Variants in FSIP1 observed in about 807,000 individuals in gnomAD.
The protein encoded by FSIP1 is fibrous sheath-interacting protein 1.
A neutral mutation model predicts 60.9 loss-of-function variants in FSIP1; 65 were observed. That is an observed-to-expected ratio of 1.07 (90% CI 0.87 to 1.31). The LOEUF is 1.31. Among genes scored for constraint, FSIP1 ranks in the 40% most tolerant of loss-of-function variants. FSIP1 has a pLI of 0.00. For synonymous variants in FSIP1, 209 were observed against 221.2 expected, an observed-to-expected ratio of 0.94 and a Z score of 0.49; for missense variants, 675 against 665.5, an observed-to-expected ratio of 1.01 and a Z score of -0.16.
In FSIP1 at chr15:39,667,625, CATT is replaced by C. The variant is rs376756794; in HGVS notation, c.1188+45816_1188+45818del. 3.3e-4 allele frequency among the ~76,000 whole-genome samples: 51 copies of C among 152,294 alleles called. No individual in the cohort carries two copies. The East Asian group carries it at 8.1e-3, about 24-fold the overall frequency. On this transcript the variant is annotated intron_variant, in intron 10 of 11. Coordinates refer to ENST00000350221, the MANE Select transcript of FSIP1 (RefSeq NM_152597.5). ...AAACAGACAATCACACAAAGGAACA[CATT>C]ATTACCTCCCATGAGCAGTTCTAGG... is the stretch of plus-strand genomic sequence containing the variant.
At chr15:39,673,597 T>G (rs1039032431) in intron 10 of FSIP1, among the ~76,000 whole-genome samples, 1 of 152,222 alleles carries the variant, frequency 6.6e-6, no homozygotes, top group Admixed American at 6.5e-5. Context: ...ATTACGAAGA[T>G]GAGCCATTGA....
At chr15:39,685,461 T>C (rs1595612235) in intron 10 of FSIP1, among the ~76,000 whole-genome samples, 1 of 152,186 alleles carries the variant, frequency 6.6e-6, no homozygotes, top group Non-Finnish European at 1.5e-5. Flanking sequence ...TAGAAAGCCT[T>C]TGATGGCAAA....
In FSIP1 at chr15:39,748,432, G is replaced by T. The variant is rs372182435; in HGVS notation, c.560-6532C>A. Among the ~76,000 whole-genome samples, 6 of 152,184 alleles carry T rather than the reference G, an allele frequency of 3.9e-5. 1 individual carries two copies. The highest frequency in any genetic ancestry group is 1.3e-4 in the Admixed American group (2 of 15,278). On this transcript the variant is annotated intron_variant, in intron 5 of 11. Coordinates refer to ENST00000350221, the MANE Select transcript of FSIP1 (RefSeq NM_152597.5). ...TATATTAGGTGAATTTTCCCTGGGG[G>T]TATTAATCATATTACAGGCAAAACA...
At chr15:39,670,167 A>G (rs1480973531) in intron 10 of FSIP1, among the ~76,000 whole-genome samples, 4 of 152,174 alleles carry the variant, frequency 2.6e-5, no homozygotes, top group Non-Finnish European at 4.4e-5. Flanking sequence ...TAAACCCCTA[A>G]ATAATATGAC....
At chr15:39,751,869 T>C (rs915810676) in intron 5 of FSIP1, among the ~76,000 whole-genome samples, 4 of 152,042 alleles carry the variant, frequency 2.6e-5, no homozygotes, top group Non-Finnish European at 5.9e-5. Context: ...GTGACTGATA[T>C]GTTAATTTGT....
intron 8 of FSIP1, among the ~76,000 whole-genome samples, chr15:39,734,177 A>G (rs1162511142): frequency 6.6e-6 from 1 of 152,226 alleles, no homozygotes; most frequent in East Asian, 1.9e-4. Context: ...AGGATTTTGC[A>G]AGTAGAATTT....
intron 10 of FSIP1, among the ~76,000 whole-genome samples, chr15:39,660,319 A>G (rs1299100817): frequency 6.6e-6 from 1 of 152,174 alleles, no homozygotes; most frequent in Non-Finnish European, 1.5e-5. Context: ...CACTCAGTAA[A>G]TGCAGGCAGT....
chr15:39,757,417 C>A (rs946817236), intron 5 of FSIP1, among the ~76,000 whole-genome samples: 2 of 152,002 alleles, frequency 1.3e-5, no homozygotes, highest in Admixed American at 6.6e-5. Flanking sequence ...CTAATTATTT[C>A]TTTCATACTT....
intron 5 of FSIP1, among the ~76,000 whole-genome samples, chr15:39,743,221 C>T (rs1356150347): frequency 6.6e-6 from 1 of 152,074 alleles, no homozygotes; most frequent in Non-Finnish European, 1.5e-5. Flanking sequence ...AGGTGATCAG[C>T]GACTATCTGA....
At chr15:39,690,731 C>T (rs778159456) in intron 10 of FSIP1, among the ~76,000 whole-genome samples, 13 of 152,230 alleles carry the variant, frequency 8.5e-5, no homozygotes, top group Non-Finnish European at 1.6e-4. Context: ...CAGATCCCTG[C>T]AAAGACAACT....
At chr15:39,621,917 G>A (rs1442618665) in intron 10 of FSIP1, among the ~76,000 whole-genome samples, 1 of 152,174 alleles carries the variant, frequency 6.6e-6, no homozygotes, top group African/African-American at 2.4e-5. Context: ...TCAAAGCTCA[G>A]TCAATGACTA....
At chr15:39,765,774 T>C (rs1445110253) in intron 3 of FSIP1, 28 bp from the exon 4 acceptor site, 1 of 1,274,592 alleles carries the variant, frequency 7.8e-7, no homozygotes, top group East Asian at 2.4e-5. Context: ...TAAAAATAGG[T>C]TTGAAGTATA....
At chr15:39,644,735 C>T (rs961851712) in intron 10 of FSIP1, among the ~76,000 whole-genome samples, 11 of 151,986 alleles carry the variant, frequency 7.2e-5, no homozygotes, top group African/African-American at 2.4e-4. Flanking sequence ...AAAACTTAGC[C>T]AAGAGGATTT....
intron 10 of FSIP1, among the ~76,000 whole-genome samples, chr15:39,671,448 T>C (rs1171022684): frequency 1.3e-5 from 2 of 152,192 alleles, no homozygotes; most frequent in Non-Finnish European, 2.9e-5. Context: ...AGACTAATTA[T>C]ATGAAGACTA....
At chr15:39,723,722 G>C (rs1019865255) in intron 9 of FSIP1, among the ~76,000 whole-genome samples, 5 of 152,242 alleles carry the variant, frequency 3.3e-5, no homozygotes, top group Non-Finnish European at 5.9e-5. Flanking sequence ...ATGGTTTGCA[G>C]AAGAGTTAAA....
chr15:39,742,686 T>A (rs1595684782), intron 5 of FSIP1, among the ~76,000 whole-genome samples: 1 of 152,158 alleles, frequency 6.6e-6, no homozygotes, highest in East Asian at 1.9e-4. Context: ...AGACACCCTC[T>A]ATGAGCTGAT....
chr15:39,671,221 A>G (rs1270820421), intron 10 of FSIP1, among the ~76,000 whole-genome samples: 1 of 152,242 alleles, frequency 6.6e-6, no homozygotes. Flanking sequence ...AATTCTTCCT[A>G]AAATTTATTT....
chr15:39,726,390 T>C (rs1481406677), intron 9 of FSIP1, among the ~76,000 whole-genome samples, 199 bp downstream of exon 9: 1 of 151,914 alleles, frequency 6.6e-6, no homozygotes, highest in Non-Finnish European at 1.5e-5. Flanking sequence ...TTAAAAGAAA[T>C]ATTTCCTCAG....
At position 39,613,662 on chromosome 15, in the gene FSIP1, T is replaced by C. The variant is rs531336537; in HGVS notation, c.1699+4073A>G. Among the ~76,000 whole-genome samples the C allele has an allele frequency of 2.3e-4, 34 of 146,744 alleles. 1 individual carries two copies. In the South Asian group the frequency reaches 7.1e-3, roughly 31 times the overall value. On this transcript the variant is annotated intron_variant, in intron 11 of 11. Coordinates refer to ENST00000350221, the MANE Select transcript of FSIP1 (RefSeq NM_152597.5). Reference sequence around the variant, plus strand: ...AGAAGAATACCACAAGAAAAAAAAATTGCAGGCCAATATCCCTGATAAACA... The same window carrying C: ...AGAAGAATACCACAAGAAAAAAAAACTGCAGGCCAATATCCCTGATAAACA...
Sources: allele counts gnomAD v4.1 joint callset (sites outside exome capture counted in the v4.1 genomes callset), GRCh38; gene constraint gnomAD v4.1.1; transcripts MANE v1.5; gene names NCBI Gene and HGNC (gene_info 2026-07-23, HGNC 2026-07-21).